The following PPP2R2B variants were observed in gnomAD, a reference collection of about 807,000 sequenced individuals.
PPP2R2B encodes serine/threonine-protein phosphatase 2A 55 kDa regulatory subunit B beta isoform.
PPP2R2B carries 5 observed loss-of-function variants against 46.0 expected under a neutral mutation model. That is an observed-to-expected ratio of 0.11 (90% CI 0.06 to 0.23). PPP2R2B has a LOEUF of 0.23. Among genes scored for constraint, PPP2R2B ranks in the 10% least tolerant of loss-of-function variants. The probability of loss-of-function intolerance (pLI) is 1.00; values close to 1 mark genes in which losing one functional copy is unlikely to be tolerated. For synonymous variants in PPP2R2B, 215 were observed against 206.7 expected (o/e 1.04, Z -0.34); for missense variants, 367 against 575.0 (o/e 0.64, Z 3.70).
At chr5:146,649,770 A>C (rs948554117) in intron 6 of PPP2R2B, among the ~76,000 whole-genome samples, 2 of 152,154 alleles carry the variant, frequency 1.3e-5, no homozygotes, top group Non-Finnish European at 2.9e-5. Context: ...TATTTTAATT[A>C]AACAGGAGAT....
chr5:146,661,718 G>A (rs772781762), intron 5 of PPP2R2B, among the ~76,000 whole-genome samples: 1 of 152,064 alleles, frequency 6.6e-6, no homozygotes, highest in Non-Finnish European at 1.5e-5. Flanking sequence ...AGATAAACTC[G>A]CTAATTACCA....
At chr5:146,978,421 G>A (rs983394052) in intron 1 of PPP2R2B, among the ~76,000 whole-genome samples, 2 of 152,098 alleles carry the variant, frequency 1.3e-5, no homozygotes, top group Admixed American at 6.6e-5. Context: ...TAGTTTTGGT[G>A]TTTTAGTCAT....
intron 2 of PPP2R2B, among the ~76,000 whole-genome samples, chr5:146,776,765 T>A (rs898147412): frequency 1.3e-5 from 2 of 151,844 alleles, no homozygotes; most frequent in African/African-American, 4.8e-5. Context: ...GGTTTTAATA[T>A]CCAGAGTAAA....
At chr5:146,882,363 A>C (rs1293245601), upstream of PPP2R2B, among the ~76,000 whole-genome samples, 6 of 152,192 alleles carry the variant, frequency 3.9e-5, no homozygotes, top group African/African-American at 1.4e-4. Flanking sequence ...CTATCATCTA[A>C]TTTTAATAAC....
chr5:146,778,506 C>T (rs542874238), intron 2 of PPP2R2B, among the ~76,000 whole-genome samples: 19 of 152,260 alleles, frequency 1.2e-4, no homozygotes, highest in South Asian at 6.2e-4. Flanking sequence ...TAGCTATTGC[C>T]AGTGTTGTCA....
chr5:146,739,606 G>A (rs1348376390), intron 2 of PPP2R2B, among the ~76,000 whole-genome samples: 1 of 152,172 alleles, frequency 6.6e-6, no homozygotes, highest in Non-Finnish European at 1.5e-5. Context: ...GGTTCATGAG[G>A]AAGGTCTTTG....
upstream of PPP2R2B, among the ~76,000 whole-genome samples, chr5:146,881,675 G>A (rs1762172511): frequency 6.6e-6 from 1 of 152,210 alleles, no homozygotes; most frequent in African/African-American, 2.4e-5. Flanking sequence ...GCCTTCCAAA[G>A]TGCTGGGATT....
At chr5:146,781,161 TATATATATATATATAA>T (rs1197893533) in intron 2 of PPP2R2B, among the ~76,000 whole-genome samples, 2 of 104,942 alleles carry the variant, frequency 1.9e-5, no homozygotes, top group Admixed American at 9.7e-5. Flanking sequence ...TATATATATA[TATATATATATATATAA>T]AATTATTCTC....
intron 2 of PPP2R2B, among the ~76,000 whole-genome samples, chr5:146,717,789 C>A (rs1780578457): frequency 6.6e-6 from 1 of 152,100 alleles, no homozygotes; most frequent in Non-Finnish European, 1.5e-5. Flanking sequence ...TTCAGGATCT[C>A]ATAAATTTCC....
chr5:146,736,788 A>G (rs1375499740), intron 2 of PPP2R2B, among the ~76,000 whole-genome samples: 1 of 152,188 alleles, frequency 6.6e-6, no homozygotes, highest in Non-Finnish European at 1.5e-5. Context: ...TTGTGTTTTC[A>G]TCCCTGCTCA....
intron 2 of PPP2R2B, among the ~76,000 whole-genome samples, chr5:146,780,226 A>G (rs540114598): frequency 2.0e-5 from 3 of 152,248 alleles, no homozygotes; most frequent in Non-Finnish European, 4.4e-5. Context: ...TCAGAGAAGT[A>G]GTACATGTTT....
At chr5:146,634,903 T>C (rs1045941936) in intron 7 of PPP2R2B, among the ~76,000 whole-genome samples, 2 of 152,152 alleles carry the variant, frequency 1.3e-5, no homozygotes, top group Non-Finnish European at 2.9e-5. Flanking sequence ...GTACCTGACA[T>C]AAAGTATGTG....
At chr5:146,616,085 C>G (rs2151044206) in intron 7 of PPP2R2B, among the ~76,000 whole-genome samples, 2 of 152,226 alleles carry the variant, frequency 1.3e-5, no homozygotes, top group South Asian at 4.2e-4. Context: ...ATCTGTATAT[C>G]TACAGTGAAC....
intron 5 of PPP2R2B, among the ~76,000 whole-genome samples, chr5:146,687,438 G>C (rs746404272): frequency 6.6e-6 from 1 of 152,094 alleles, no homozygotes; most frequent in Non-Finnish European, 1.5e-5. Flanking sequence ...GAGGTAGCTA[G>C]TGCAGATAGA....
At chr5:146,780,797 C>G (rs1411888144) in intron 2 of PPP2R2B, among the ~76,000 whole-genome samples, 1 of 152,070 alleles carries the variant, frequency 6.6e-6, no homozygotes, top group Non-Finnish European at 1.5e-5. Flanking sequence ...AGATCTACTT[C>G]AAACACCATC....
At chr5:146,951,209 G>GTA (rs1764642957) in intron 1 of PPP2R2B, among the ~76,000 whole-genome samples, 1 of 151,770 alleles carries the variant, frequency 6.6e-6, no homozygotes, top group Admixed American at 6.6e-5. Context: ...CTTTATTGAG[G>GTA]TATAATATAC....
At chr5:146,832,247 T>C (rs1433748323) in intron 2 of PPP2R2B, among the ~76,000 whole-genome samples, 2 of 152,130 alleles carry the variant, frequency 1.3e-5, no homozygotes. Flanking sequence ...TTACAGTGTT[T>C]ATAGCAGTGT....
chr5:146,898,391 T>A (rs1183752329), intron 1 of PPP2R2B, among the ~76,000 whole-genome samples: 3 of 152,112 alleles, frequency 2.0e-5, no homozygotes, highest in Non-Finnish European at 4.4e-5. Flanking sequence ...CCCTATTTAA[T>A]AAATGGTGCT....
chr5:146,682,928 A>G (rs970526474), intron 5 of PPP2R2B, among the ~76,000 whole-genome samples: 2 of 152,216 alleles, frequency 1.3e-5, no homozygotes, highest in African/African-American at 4.8e-5. Context: ...AGGAGACAAG[A>G]GGAAAAAGGA....
Sources: gnomAD v4.1 joint callset for allele counts (sites outside exome capture counted in the v4.1 genomes callset) on GRCh38, gnomAD v4.1.1 for gene constraint, MANE v1.5 for transcripts, NCBI Gene and HGNC (gene_info 2026-07-23, HGNC 2026-07-21) for gene names.